Variants in SOS1 observed in about 807,000 individuals in gnomAD.
The protein encoded by SOS1 is son of sevenless homolog 1.
SOS1 carries 25 observed loss-of-function variants against 157.6 expected under a neutral mutation model. The observed-to-expected ratio is 0.16, with a 90% CI of 0.12 to 0.22. The LOEUF is 0.22. Ranked by LOEUF, SOS1 falls within the 10% of genes least tolerant of loss-of-function variation. SOS1 has a pLI of 1.00. For synonymous variants in SOS1, 528 were observed against 534.0 expected, an observed-to-expected ratio of 0.99 and a Z score of 0.16; for missense variants, 1,237 against 1,599.1, an observed-to-expected ratio of 0.77 and a Z score of 3.86.
intron 1 of SOS1, among the ~76,000 whole-genome samples, chr2:39,102,307 G>C (rs114966291): frequency 1.3e-3 from 190 of 149,204 alleles, no homozygotes; most frequent in African/African-American, 4.4e-3. Context: ...AGGATAGCTT[G>C]AGCCTACGAG....
chr2:39,056,836 C>T lies in SOS1; in HGVS notation c.376G>A (p.Val126Ile), dbSNP rs755770649. 5.0e-6 allele frequency: 8 copies of T among 1,610,606 alleles called. No homozygotes were observed. The African/African-American group carries it at 8.0e-5, about 16-fold the overall frequency. The change falls in exon 4 of 23, where the codon GTT (valine) becomes ATT (isoleucine). Residue 126 changes from valine (V) to isoleucine (I), a missense_variant. Physicochemically the swap from Val to Ile is conservative, Grantham distance 29 (BLOSUM62 3). This residue lies in a region of SOS1 where 37 missense variants were observed against 38.5 expected (regional missense o/e 0.96). Transcript: ENST00000402219. ...EVLGYKIDHQ[V>I]SVYIVAVLEY... The stretch of plus-strand genomic sequence containing the variant: ...AAGACTGCTACTATGTAAACAGAAA[C>T]CTGGTGGTCAATTTTATAACCTAGG...
chr2:39,046,194 A>G (rs567336366), intron 6 of SOS1, among the ~76,000 whole-genome samples: 6 of 152,240 alleles, frequency 3.9e-5, no homozygotes, highest in South Asian at 4.1e-4. Flanking sequence ...AAAAATTACT[A>G]TAGTTCCTTT....
intron 1 of SOS1, among the ~76,000 whole-genome samples, chr2:39,085,274 C>T (rs1672333275): frequency 6.6e-6 from 1 of 152,186 alleles, no homozygotes; most frequent in East Asian, 1.9e-4. Flanking sequence ...TCTCAAACTC[C>T]TGGGCTCAAG....
rs1183857365 is a variant in SOS1 at position 39,120,979 on chromosome 2, G to GGCCGCCGCCGCCACC, written c.-572_-558dup. 10 of 176,276 alleles carry GGCCGCCGCCGCCACC rather than the reference G, an allele frequency of 5.7e-5. No homozygotes were observed. Among genetic ancestry groups the GGCCGCCGCCGCCACC allele is most frequent in the Admixed American group, 6.4e-5 (1 of 15,540 alleles). 10.9% of individuals were successfully genotyped at this position (176,276 alleles called of 1,614,324 possible). A position where few individuals can be genotyped will look rare whatever the true frequency, so the allele number is the denominator to read the frequency against. Reference sequence around the variant, plus strand: ...TCTGGCTGCCCTGAGGTGCCGCCGCGGCCGCCGCCGCCACCGCCGCCGCCG... The same window carrying GGCCGCCGCCGCCACC: ...TCTGGCTGCCCTGAGGTGCCGCCGCGGCCGCCGCCGCCACCGCCGCCGCCGCCACCGCCGCCGCCG... On this transcript the variant is annotated 5_prime_UTR_variant, in exon 1 of 23. Coordinates refer to ENST00000402219, the MANE Select transcript of SOS1 (RefSeq NM_005633.4).
At chr2:39,103,551 C>G (rs1673052432) in intron 1 of SOS1, among the ~76,000 whole-genome samples, 1 of 152,186 alleles carries the variant, frequency 6.6e-6, no homozygotes, top group South Asian at 2.1e-4. Context: ...AAATAAGACC[C>G]TGCTCAACAA....
chr2:39,018,905 GCA>G (rs1669710182), intron 10 of SOS1, among the ~76,000 whole-genome samples: 1 of 151,696 alleles, frequency 6.6e-6, no homozygotes, highest in South Asian at 2.1e-4. Context: ...CTATGCTGAC[GCA>G]CAAACACTTT....
chr2:39,016,340 A>G lies in SOS1; in HGVS notation c.1859-1494T>C, dbSNP rs561709683. ...GCTAGAGTGGGTTACTGATAAAAGT[A>G]ATTTAAATACATATAATCCTTTAAT... On this transcript the variant is annotated intron_variant, in intron 10 of 22. Coordinates refer to ENST00000402219, the MANE Select transcript of SOS1 (RefSeq NM_005633.4). 5.3e-5 allele frequency among the ~76,000 whole-genome samples: 8 copies of G among 152,260 alleles called. No individual in the cohort carries two copies. In the South Asian group the frequency reaches 1.4e-3, roughly 28 times the overall value.
intron 1 of SOS1, among the ~76,000 whole-genome samples, chr2:39,070,101 A>G (rs1377455585): frequency 6.6e-6 from 1 of 152,182 alleles, no homozygotes; most frequent in Non-Finnish European, 1.5e-5. Context: ...ACTCTGACTA[A>G]CGTGTGTAGG....
chr2:39,094,441 T>C (rs1672701124), intron 1 of SOS1, among the ~76,000 whole-genome samples: 1 of 150,916 alleles, frequency 6.6e-6, no homozygotes, highest in Admixed American at 6.6e-5. Context: ...AGGTCAGGAG[T>C]TCAAGACCAG....
rs1250047526 is a variant in SOS1 at position 39,046,529 on chromosome 2, G to C, written c.864+4615C>G. ...TTTTTTTTTTTTTTTTTTTGAGACGGAGTCTCGCTCTGTCGCCCAGGCTGG... is the reference window on the plus strand; with the variant it reads ...TTTTTTTTTTTTTTTTTTTGAGACGCAGTCTCGCTCTGTCGCCCAGGCTGG... On this transcript the variant is annotated intron_variant, in intron 6 of 22. Transcript: ENST00000402219. 3.9e-5 allele frequency among the ~76,000 whole-genome samples: 5 copies of C among 129,574 alleles called. No homozygotes were observed. In the East Asian group the frequency reaches 1.1e-3, roughly 28 times the overall value. 85.0% of individuals were successfully genotyped at this position (129,574 alleles called of 152,430 possible).
chr2:39,039,281 A>G (rs1247641298), intron 6 of SOS1, among the ~76,000 whole-genome samples: 2 of 152,230 alleles, frequency 1.3e-5, no homozygotes, highest in Admixed American at 6.5e-5. Flanking sequence ...CTAAGCCACG[A>G]TATCTCTGAG....
Position 38,986,027 on chromosome 2 carries a change from G to A in SOS1, c.3799C>T (p.His1267Tyr). ...TPPPPQTPSP[H>Y]GTRRHLPSPP... ...GATGGCAGATGCCTTCTTGTGCCGT[G>A]AGGAGAAGGTGTTTGAGGAGGAGGT... The change falls in exon 23 of 23, where the codon CAC becomes TAC. Residue 1267 changes from histidine to tyrosine, a missense_variant. Around this residue, in one of 15 missense-constraint regions of SOS1, gnomAD observed 306 missense variants for 322.6 expected, o/e 0.95. Coordinates refer to ENST00000402219, the MANE Select transcript of SOS1 (RefSeq NM_005633.4). 1 of 1,613,972 alleles carries A rather than the reference G, an allele frequency of 6.2e-7. No homozygotes were observed. Among genetic ancestry groups the A allele is most frequent in the South Asian group, 1.1e-5 (1 of 91,078 alleles).
chr2:39,048,802 T>C (rs1306894380), intron 6 of SOS1, among the ~76,000 whole-genome samples: 1 of 152,242 alleles, frequency 6.6e-6, no homozygotes, highest in Non-Finnish European at 1.5e-5. Flanking sequence ...GAATTCATTT[T>C]TGATTTGGGA....
intron 1 of SOS1, among the ~76,000 whole-genome samples, chr2:39,087,707 A>G (rs1201098008): frequency 1.3e-5 from 2 of 152,140 alleles, no homozygotes; most frequent in African/African-American, 4.8e-5. Context: ...GAGTCTCTGT[A>G]ACCCAGGTTG....
chr2:39,054,877 T>G (rs1671152272), intron 4 of SOS1, 54 bp from the exon 5 acceptor site: 1 of 964,776 alleles, frequency 1.0e-6, no homozygotes, highest in South Asian at 1.4e-5. Context: ...TTTCGTAGAA[T>G]TTGATGTGAA....
chr2:39,048,987 G>A (rs977651938), intron 6 of SOS1, among the ~76,000 whole-genome samples: 1 of 151,890 alleles, frequency 6.6e-6, no homozygotes. Context: ...GTGCGATCTC[G>A]GCTCACTGCA....
At chr2:39,044,855 C>T (rs927758208) in intron 6 of SOS1, among the ~76,000 whole-genome samples, 7 of 28,306 alleles carry the variant, frequency 2.5e-4, no homozygotes, top group South Asian at 2.0e-3. Flanking sequence ...CACACATGCG[C>T]GCGCGCGCGC....
chr2:38,992,457 A>T (rs758909588), intron 20 of SOS1: 4 of 152,210 alleles, frequency 2.6e-5, no homozygotes, highest in Non-Finnish European at 4.4e-5. Flanking sequence ...CCACCTGTCC[A>T]GCTGTTTAAG....
intron 6 of SOS1, among the ~76,000 whole-genome samples, chr2:39,037,955 C>A (rs897838827): frequency 1.3e-5 from 2 of 152,242 alleles, no homozygotes; most frequent in South Asian, 2.1e-4. Flanking sequence ...TGACATTGCA[C>A]CTAGACACCT....
Sources: allele counts gnomAD v4.1 joint callset (sites outside exome capture counted in the v4.1 genomes callset), GRCh38; gene constraint gnomAD v4.1.1; regional missense constraint gnomAD v4.1.1; transcripts MANE v1.5; gene names NCBI Gene and HGNC (gene_info 2026-07-23, HGNC 2026-07-21).